Variants in ADCY3 observed in about 807,000 individuals in gnomAD.
The protein encoded by ADCY3 is adenylate cyclase 3, also known as adenylate cyclase type 3.
ADCY3 carries 70 observed loss-of-function variants against 119.4 expected under a neutral mutation model. The observed-to-expected ratio is 0.59, with a 90% CI of 0.48 to 0.72. The LOEUF is 0.72. ADCY3 is among the 30% of genes least tolerant of loss of function. The pLI, the probability that ADCY3 is intolerant of heterozygous loss-of-function variation, is 0.00. For missense variants in ADCY3, 1,238 were observed against 1,541.6 expected, an observed-to-expected ratio of 0.80 and a Z score of 3.30; for synonymous variants, 672 against 621.4, an observed-to-expected ratio of 1.08 and a Z score of -1.21.
chr2:24,828,121 G>A lies in ADCY3; in HGVS notation c.2213C>T (p.Thr738Met), dbSNP rs917820514. Residue 738 changes from threonine to methionine, a missense_variant, in exon 14 of 22, where the codon ACG becomes ATG. By Grantham distance (81) the Thr-to-Met change is moderately conservative (BLOSUM62 -1). Transcript: ENST00000679454. ...LQYYTGPSNATAGMETEGSCL... is the reference protein window; with the variant it reads ...LQYYTGPSNAMAGMETEGSCL... Reference sequence around the variant, plus strand: ...GCTGCCCTCCGTTTCCATCCCTGCCGTTGCATTGCTGGGTCCCGTGTAGTA... The same window carrying A: ...GCTGCCCTCCGTTTCCATCCCTGCCATTGCATTGCTGGGTCCCGTGTAGTA... 11 of 1,613,958 alleles carry A rather than the reference G, an allele frequency of 6.8e-6. No homozygotes were observed. Among genetic ancestry groups the A allele is most frequent in the African/African-American group, 2.7e-5 (2 of 74,900 alleles).
intron 2 of ADCY3, among the ~76,000 whole-genome samples, chr2:24,873,837 G>A (rs957594270): frequency 2.6e-5 from 4 of 152,190 alleles, no homozygotes; most frequent in African/African-American, 7.2e-5. Context: ...CCGACGCCTC[G>A]CCTGCTAGGT....
chr2:24,879,476 AG>A (rs1258903581), intron 2 of ADCY3, among the ~76,000 whole-genome samples: 12 of 147,612 alleles, frequency 8.1e-5, no homozygotes, highest in Non-Finnish European at 1.5e-4. Flanking sequence ...AAAAAAAAAA[AG>A]ACTGAAAGAC....
intron 2 of ADCY3, among the ~76,000 whole-genome samples, chr2:24,908,048 G>A (rs533690775): frequency 1.5e-4 from 23 of 151,886 alleles, no homozygotes; most frequent in African/African-American, 3.6e-4. Context: ...TGAGCCAAGC[G>A]TGATGGCTCA....
intron 3 of ADCY3, among the ~76,000 whole-genome samples, chr2:24,852,485 G>A (rs910946048): frequency 2.0e-5 from 3 of 152,074 alleles, no homozygotes; most frequent in East Asian, 1.9e-4. Flanking sequence ...TGGGTCACCC[G>A]GCCTCCCCGG....
intron 2 of ADCY3, among the ~76,000 whole-genome samples, chr2:24,911,852 T>C (rs1364003224): frequency 6.6e-6 from 1 of 152,112 alleles, no homozygotes; most frequent in African/African-American, 2.4e-5. Context: ...CACCGCCTAA[T>C]GGGTTCTTTT....
chr2:24,909,836 G>A (rs866111988), intron 2 of ADCY3, among the ~76,000 whole-genome samples: 11 of 152,092 alleles, frequency 7.2e-5, no homozygotes, highest in African/African-American at 9.7e-5. Flanking sequence ...CCTTACACAC[G>A]CTACTCAAAC....
intron 13 of ADCY3, among the ~76,000 whole-genome samples, chr2:24,829,313 G>A (rs1182770757): frequency 4.0e-5 from 6 of 151,702 alleles, no homozygotes; most frequent in Admixed American, 1.3e-4. Context: ...CACCGCGCCC[G>A]GCCCCCCACT....
chr2:24,846,104 AG>A (rs1671622243), intron 3 of ADCY3, among the ~76,000 whole-genome samples: 1 of 152,234 alleles, frequency 6.6e-6, no homozygotes, highest in Admixed American at 6.5e-5. Context: ...GCCCTCATGG[AG>A]AACCCCTGCT....
intron 3 of ADCY3, among the ~76,000 whole-genome samples, chr2:24,855,033 G>C (rs767883214): frequency 2.6e-5 from 4 of 152,190 alleles, no homozygotes; most frequent in Non-Finnish European, 5.9e-5. Context: ...CTGGGTGACA[G>C]AGCGAGCCTC....
At chr2:24,831,952 G>GT (rs1219185567) in intron 11 of ADCY3, among the ~76,000 whole-genome samples, 3 of 137,030 alleles carry the variant, frequency 2.2e-5, no homozygotes, top group Non-Finnish European at 4.8e-5. Context: ...ACAGCAGACA[G>GT]GGGCAGGGGC....
At chr2:24,839,811 G>A (rs1186907684) in intron 7 of ADCY3, 62 bp downstream of exon 7, 21 of 1,609,690 alleles carry the variant, frequency 1.3e-5, no homozygotes, top group African/African-American at 2.7e-5. Flanking sequence ...CACAGCCCTG[G>A]GGGATGGAGG....
chr2:24,838,417 G>A, intron 8 of ADCY3, 28 bp downstream of exon 8: 1 of 1,523,878 alleles, frequency 6.6e-7, no homozygotes, highest in South Asian at 1.2e-5. Flanking sequence ...GGGTGGGTGG[G>A]GTGGGTGGGG....
intron 3 of ADCY3, among the ~76,000 whole-genome samples, chr2:24,859,437 G>T (rs910644895): frequency 6.6e-6 from 1 of 152,168 alleles, no homozygotes; most frequent in African/African-American, 2.4e-5. Context: ...CCAACCCCAG[G>T]CCAAGAGGCA....
chr2:24,843,058 C>T (rs1049943842), intron 3 of ADCY3, among the ~76,000 whole-genome samples: 3 of 152,190 alleles, frequency 2.0e-5, no homozygotes, highest in Admixed American at 6.5e-5. Context: ...CAAGACGCGA[C>T]GCTGAGGGCA....
At chr2:24,843,658 G>A (rs1449534475) in intron 3 of ADCY3, among the ~76,000 whole-genome samples, 1 of 152,256 alleles carries the variant, frequency 6.6e-6, no homozygotes, top group East Asian at 1.9e-4. Context: ...GGCGGTGCCG[G>A]TCTCTGGAAC....
chr2:24,841,404 G>A lies in ADCY3; in HGVS notation c.1069-18C>T, dbSNP rs1388010621. ...TGGTATTTCTGAAAGGGGAGGGCCT[G>A]GCCTGTGCTCCAGCCCCTCCTCAGT... On this transcript the variant is annotated intron_variant, in intron 5 of 21. Transcript: ENST00000679454. The surrounding 1 kb of genome is among the most constrained non-coding windows in gnomAD (Gnocchi z 5.8). The A allele has an allele frequency of 1.2e-6, 2 of 1,610,032 alleles. No homozygotes were observed. The highest frequency in any genetic ancestry group is 1.7e-6 in the Non-Finnish European group (2 of 1,178,368).
Position 24,831,757 on chromosome 2 carries a change from A to G in ADCY3, c.1968-8T>C. 1 of 1,502,908 alleles carries G rather than the reference A, an allele frequency of 6.7e-7. No individual in the cohort carries two copies. The highest frequency in any genetic ancestry group is 1.1e-5 in the South Asian group (1 of 89,764). 93.1% of individuals were successfully genotyped at this position (1,502,908 alleles called of 1,614,324 possible). The stretch of plus-strand genomic sequence containing the variant: ...ACATAGTTTGTCATTAGCCTGTGAC[A>G]GAGAGAAGACAATTGGGAGAGGCCA... On this transcript the variant is annotated splice_polypyrimidine_tract_variant and splice_region_variant and intron_variant, in intron 11 of 21. Coordinates refer to ENST00000679454, the MANE Select transcript of ADCY3 (RefSeq NM_004036.5).
In ADCY3 at chr2:24,918,364, G is replaced by A. The variant is rs761801252; in HGVS notation, c.624C>T (p.Thr208=). The A allele has an allele frequency of 5.6e-6, 9 of 1,604,044 alleles. No homozygotes were observed. The highest frequency in any genetic ancestry group is 2.7e-5 in the African/African-American group (2 of 74,528). The change falls in exon 2 of 22, where the codon ACC becomes ACT. Residue 208 remains threonine, a synonymous_variant. Coordinates refer to ENST00000679454, the MANE Select transcript of ADCY3 (RefSeq NM_004036.5). The surrounding 1 kb of genome is among the most constrained non-coding windows in gnomAD (Gnocchi z 5.4). ...GCTCCTCCTGCTGCTGCTGGGCCAC[G>A]GTGACCCCCAGGACCAACGTGTGCA... ...CVVHTLVLGV[T]VAQQQQEELK...
intron 19 of ADCY3, chr2:24,822,276 A>T (rs1226169383): frequency 2.1e-5 from 10 of 477,780 alleles, no homozygotes; most frequent in Non-Finnish European, 2.5e-5. Flanking sequence ...GCCACAGAAC[A>T]CAACCATCTT....
Sources: gnomAD v4.1 joint callset for allele counts (sites outside exome capture counted in the v4.1 genomes callset) on GRCh38, gnomAD v4.1.1 for gene constraint, Gnocchi (gnomAD v3.1) non-coding constraint, MANE v1.5 for transcripts, NCBI Gene and HGNC (gene_info 2026-07-23, HGNC 2026-07-21) for gene names.